NRG3: variants seen among roughly 807,000 people sequenced by gnomAD.
NRG3 encodes the protein neuregulin 3.
A neutral mutation model predicts 66.9 loss-of-function variants in NRG3; 31 were observed. The ratio of observed to expected loss-of-function variants is 0.46; its 90% CI spans 0.35 to 0.63. NRG3 has a LOEUF of 0.63. Ranked by LOEUF, NRG3 falls within the 20% of genes least tolerant of loss-of-function variation. The pLI is 0.00. For missense variants in NRG3, 910 were observed against 878.9 expected (o/e 1.04, Z -0.45); for synonymous variants, 393 against 359.4 (o/e 1.09, Z -1.06).
At chr10:81,955,105 TC>T (rs1484229226) in intron 1 of NRG3, among the ~76,000 whole-genome samples, 3 of 149,192 alleles carry the variant, frequency 2.0e-5, no homozygotes, top group African/African-American at 7.3e-5. Context: ...ATATGTTTGT[TC>T]TGTTATATTA....
At chr10:82,525,727 A>C in intron 2 of NRG3, among the ~76,000 whole-genome samples, 1 of 151,958 alleles carries the variant, frequency 6.6e-6, no homozygotes, top group East Asian at 1.9e-4. Context: ...AGACAGCAAG[A>C]AATAGAACTA....
chr10:82,787,548 C>T (rs145270658), intron 3 of NRG3, among the ~76,000 whole-genome samples: 1 of 152,142 alleles, frequency 6.6e-6, no homozygotes, highest in East Asian at 1.9e-4. Flanking sequence ...TTCATGGAGA[C>T]AGGCAAGTAT....
intron 3 of NRG3, among the ~76,000 whole-genome samples, chr10:82,766,853 G>A (rs1173084969): frequency 6.6e-6 from 1 of 151,064 alleles, no homozygotes; most frequent in Admixed American, 6.6e-5. Flanking sequence ...AGGCCCTTCT[G>A]TCTTCCCATT....
At chr10:82,378,798 A>G (rs1030129446) in intron 2 of NRG3, among the ~76,000 whole-genome samples, 2 of 151,818 alleles carry the variant, frequency 1.3e-5, no homozygotes, top group African/African-American at 4.8e-5. Context: ...CTCAAACTCC[A>G]GACCTCAGGT....
At chr10:82,803,262 T>C (rs1164111643) in intron 3 of NRG3, among the ~76,000 whole-genome samples, 2 of 152,158 alleles carry the variant, frequency 1.3e-5, no homozygotes, top group Admixed American at 1.3e-4. Context: ...AAACTTTATC[T>C]GTGGATGTGA....
At chr10:81,930,764 A>G (rs929041425) in intron 1 of NRG3, among the ~76,000 whole-genome samples, 2 of 152,206 alleles carry the variant, frequency 1.3e-5, no homozygotes, top group Admixed American at 6.5e-5. Context: ...CCAGTGGTGC[A>G]GACTGAGACA....
chr10:82,910,784 T>C (rs1845241124), intron 4 of NRG3, among the ~76,000 whole-genome samples: 1 of 152,254 alleles, frequency 6.6e-6, no homozygotes, highest in Non-Finnish European at 1.5e-5. Context: ...AAACACTTTA[T>C]TGAGCAGAAT....
intron 1 of NRG3, among the ~76,000 whole-genome samples, chr10:82,053,475 C>T (rs1040693773): frequency 3.3e-5 from 5 of 152,246 alleles, no homozygotes; most frequent in South Asian, 2.1e-4. Context: ...CTTACACACT[C>T]GGTTCCAGAA....
intron 3 of NRG3, among the ~76,000 whole-genome samples, chr10:82,784,946 G>C (rs994690494): frequency 3.3e-5 from 5 of 152,110 alleles, no homozygotes; most frequent in African/African-American, 1.2e-4. Flanking sequence ...CAAAGACTTG[G>C]AACCAACCCA....
intron 2 of NRG3, among the ~76,000 whole-genome samples, chr10:82,591,623 C>T (rs907995870): frequency 6.6e-6 from 1 of 152,156 alleles, no homozygotes. Flanking sequence ...CTTGCGTCAA[C>T]ACTGTTAAAT....
At chr10:81,932,182 A>G (rs1847423587) in intron 1 of NRG3, among the ~76,000 whole-genome samples, 1 of 149,566 alleles carries the variant, frequency 6.7e-6, no homozygotes, top group African/African-American at 2.5e-5. Context: ...GAGAGGAGAG[A>G]GAGAGAGAGG....
At chr10:82,437,418 T>C (rs1300746045) in intron 2 of NRG3, among the ~76,000 whole-genome samples, 1 of 152,000 alleles carries the variant, frequency 6.6e-6, no homozygotes, top group Non-Finnish European at 1.5e-5. Flanking sequence ...AAACAGGTTA[T>C]TCTAGTTAGC....
chr10:82,224,465 CAAATA>C (rs2076080569), intron 1 of NRG3: 1 of 152,280 alleles, frequency 6.6e-6, no homozygotes, highest in African/African-American at 2.4e-5. Context: ...GTCTGCCCCT[CAAATA>C]AACTAAGTGA....
intron 1 of NRG3, among the ~76,000 whole-genome samples, chr10:82,119,632 A>C (rs1022810404): frequency 6.6e-6 from 1 of 152,110 alleles, no homozygotes; most frequent in African/African-American, 2.4e-5. Context: ...TAAGTTCTAA[A>C]CTTATGAGAT....
At chr10:82,148,446 C>G (rs1023035283) in intron 1 of NRG3, among the ~76,000 whole-genome samples, 6 of 152,156 alleles carry the variant, frequency 3.9e-5, no homozygotes, top group African/African-American at 1.4e-4. Context: ...ACCATTTAAT[C>G]TTTGATCTCT....
Position 82,985,164 on chromosome 10 carries a change from G to A in NRG3, c.1650G>A (p.Glu550=). ...TAAATATGCAACTGCCTTCAAGAGA[G>A]ACAAACCCCTATTTTAATAGCTTGG... ...TSINMQLPSR[E]TNPYFNSLEQ... The change falls in exon 9 of 9, where the codon GAG becomes GAA. Residue 550 remains glutamate (E), a synonymous_variant. Coordinates refer to ENST00000372141, the MANE Select transcript of NRG3 (RefSeq NM_001010848.4). 6.2e-7 allele frequency: 1 copy of A among 1,614,074 alleles called. No individual in the cohort carries two copies. The highest frequency in any genetic ancestry group is 8.5e-7 in the Non-Finnish European group (1 of 1,179,996).
At chr10:82,462,023 C>T (rs1313405583) in intron 2 of NRG3, among the ~76,000 whole-genome samples, 5 of 152,056 alleles carry the variant, frequency 3.3e-5, no homozygotes, top group Admixed American at 2.0e-4. Flanking sequence ...CCCAGCTACT[C>T]GGGAGGCTGA....
chr10:81,898,433 G>C (rs973982691), intron 1 of NRG3, among the ~76,000 whole-genome samples: 1 of 152,208 alleles, frequency 6.6e-6, no homozygotes, highest in African/African-American at 2.4e-5. Flanking sequence ...GGCTGTCCCT[G>C]CAACTGTCAG....
chr10:82,894,708 G>T (rs909978210), intron 4 of NRG3, among the ~76,000 whole-genome samples: 11 of 151,980 alleles, frequency 7.2e-5, no homozygotes, highest in African/African-American at 2.7e-4. Flanking sequence ...ACAACTATCA[G>T]GCTCCATAAG....
Sources: gnomAD v4.1 joint callset for allele counts (sites outside exome capture counted in the v4.1 genomes callset) on GRCh38, gnomAD v4.1.1 for gene constraint, MANE v1.5 for transcripts, NCBI Gene and HGNC (gene_info 2026-07-23, HGNC 2026-07-21) for gene names.